Variants in LCA5L observed in about 807,000 individuals in gnomAD.
The protein encoded by LCA5L is lebercilin LCA5 like.
LCA5L carries 35 observed loss-of-function variants against 45.4 expected under a neutral mutation model. That is an observed-to-expected ratio of 0.77 (90% CI 0.59 to 1.02). The LOEUF (loss-of-function observed/expected upper bound fraction) is 1.02, where lower values mean the gene tolerates loss of function less well. Among genes scored for constraint, LCA5L ranks in the 50% least tolerant of loss-of-function variants. The probability of loss-of-function intolerance (pLI) is 0.00; values close to 1 mark genes in which losing one functional copy is unlikely to be tolerated. For missense variants in LCA5L, 668 were observed against 761.6 expected (o/e 0.88, Z 1.45); for synonymous variants, 233 against 264.7 (o/e 0.88, Z 1.16).
chr21:39,438,225 T>A (rs1322966970), intron 2 of LCA5L, among the ~76,000 whole-genome samples: 2 of 152,206 alleles, frequency 1.3e-5, no homozygotes, highest in Non-Finnish European at 2.9e-5. Context: ...GGTAACCTAG[T>A]CTAAGATAAA....
intron 7 of LCA5L, among the ~76,000 whole-genome samples, chr21:39,412,385 A>C (rs1207798924): frequency 6.6e-6 from 1 of 152,224 alleles, no homozygotes; most frequent in East Asian, 1.9e-4. Context: ...GAGTCTTGGC[A>C]AAACAGACAT....
At chr21:39,423,599 T>C (rs552141000) in intron 5 of LCA5L, 109 bp from the exon 6 acceptor site, 413 of 891,600 alleles carry the variant, frequency 4.6e-4, no homozygotes, top group Admixed American at 1.4e-3. Flanking sequence ...ACCACACACA[T>C]ACACACAAGC....
chr21:39,408,516 C>T (rs1319170818), intron 10 of LCA5L: 3 of 152,356 alleles, frequency 2.0e-5, no homozygotes, highest in South Asian at 2.1e-4. Flanking sequence ...CTCCATTAGA[C>T]CTCCAGGTCC....
At chr21:39,417,579 A>G (rs926048236) in intron 7 of LCA5L, among the ~76,000 whole-genome samples, 1 of 152,078 alleles carries the variant, frequency 6.6e-6, no homozygotes. Flanking sequence ...GCTGCTGATA[A>G]AGACATAACT....
In LCA5L at chr21:39,428,497, A is replaced by T. The variant is rs2075147682; in HGVS notation, c.-4T>A. Reference sequence around the variant, plus strand: ...TTGTTAGATCAGCCAAAGACATAGCAAACAACCTAATAAAAGAAAAGTAAA... The same window carrying T: ...TTGTTAGATCAGCCAAAGACATAGCTAACAACCTAATAAAAGAAAAGTAAA... On this transcript the variant is annotated 5_prime_UTR_variant, in exon 5 of 11. Transcript: ENST00000288350. The T allele has an allele frequency of 4.6e-6, 7 of 1,520,550 alleles. No homozygotes were observed. The highest frequency in any genetic ancestry group is 6.2e-6 in the Non-Finnish European group (7 of 1,134,488). 94.2% of individuals were successfully genotyped at this position (1,520,550 alleles called of 1,614,324 possible). A position where few individuals can be genotyped will look rare whatever the true frequency, so the allele number is the denominator to read the frequency against.
Position 39,406,260 on chromosome 21 carries a change from A to T in LCA5L, c.1635T>A (p.Asn545Lys). ...TATGACTGTACCTCATGTTGCCGGC[A>T]TTGGCTGGCCCCCCTGAAGCAGGAA... ...HGLPASGGPA[N>K]AGNMRYSHST... Residue 545 changes from asparagine (N) to lysine (K), a missense_variant, in exon 11 of 11, where the codon AAT (asparagine) becomes AAA (lysine). Physicochemically the swap from Asn to Lys is moderately conservative, Grantham distance 94. Coordinates refer to ENST00000288350, the MANE Select transcript of LCA5L (RefSeq NM_152505.4). 1 of 1,614,186 alleles carries T rather than the reference A, an allele frequency of 6.2e-7. No individual in the cohort carries two copies. The highest frequency in any genetic ancestry group is 8.5e-7 in the Non-Finnish European group (1 of 1,180,040).
chr21:39,407,086 G>A (rs964616825), intron 10 of LCA5L, among the ~76,000 whole-genome samples: 3 of 152,162 alleles, frequency 2.0e-5, no homozygotes, highest in Non-Finnish European at 4.4e-5. Flanking sequence ...AATTAGCTGG[G>A]TGTGGTGGTG....
rs2077173754 is a variant in LCA5L, at chr21:39,444,167, T to C, written c.-278A>G. 6.6e-6 allele frequency: 1 copy of C among 152,200 alleles called. No homozygotes were observed. The allele number at this position is 152,200 out of a possible 1,614,324, so 9.4% of individuals were successfully genotyped here. ...AATGATCAGCATACGGATGATCATT[T>C]GTCTGCATCTCAGTTTGCCTCTTTT... On this transcript the variant is annotated 5_prime_UTR_variant, in exon 2 of 11. Transcript: ENST00000288350.
rs544072741 is a variant in LCA5L, at chr21:39,417,988, C to G, written c.975+2718G>C. The stretch of plus-strand genomic sequence containing the variant: ...TCGCCGTGTTTGCCAGGATTGTCTC[C>G]ATCTCCTGACCTCGTGATCCACCCA... On this transcript the variant is annotated intron_variant, in intron 7 of 10. Transcript: ENST00000288350. Among the ~76,000 whole-genome samples, 10 of 152,146 alleles carry G rather than the reference C, an allele frequency of 6.6e-5. No individual in the cohort carries two copies. In the South Asian group the frequency reaches 1.7e-3, roughly 25 times the overall value.
chr21:39,425,875 G>A (rs981103176), intron 5 of LCA5L: 1 of 152,270 alleles, frequency 6.6e-6, no homozygotes, highest in Non-Finnish European at 1.5e-5. Flanking sequence ...CTCAAGTGAT[G>A]GGAGGGCAGA....
intron 7 of LCA5L, chr21:39,414,070 A>T (rs1234237695): frequency 6.6e-6 from 1 of 152,244 alleles, no homozygotes; most frequent in African/African-American, 2.4e-5. Flanking sequence ...AACCCGGGAT[A>T]CTTGTGTGGT....
chr21:39,427,647 A>C (rs2074991083), intron 5 of LCA5L: 1 of 150,516 alleles, frequency 6.6e-6, no homozygotes, highest in Non-Finnish European at 1.5e-5. Flanking sequence ...GGGTAACCAG[A>C]GCAAGACTCT....
chr21:39,424,608 A>G (rs538747319), intron 5 of LCA5L, among the ~76,000 whole-genome samples: 2 of 152,356 alleles, frequency 1.3e-5, no homozygotes, highest in Admixed American at 6.5e-5. Context: ...GTTATGGGTA[A>G]TTAGAGTATA....
intron 5 of LCA5L, among the ~76,000 whole-genome samples, chr21:39,423,951 T>TTA (rs775328033): frequency 1.1e-4 from 16 of 152,188 alleles, no homozygotes; most frequent in Non-Finnish European, 2.4e-4. Flanking sequence ...GGACAAGAGT[T>TTA]TGAGACCAGC....
intron 2 of LCA5L, among the ~76,000 whole-genome samples, chr21:39,438,473 TA>T (rs1177882303): frequency 6.6e-6 from 1 of 152,120 alleles, no homozygotes; most frequent in Non-Finnish European, 1.5e-5. Flanking sequence ...AACTTCCTTA[TA>T]ATTAAAAAAA....
chr21:39,420,575 C>T, intron 7 of LCA5L, 131 bp downstream of exon 7: 1 of 606,516 alleles, frequency 1.6e-6, no homozygotes, highest in Non-Finnish European at 2.6e-6. Flanking sequence ...GCCCAGGCCC[C>T]CTACAAAGGG....
At chr21:39,424,643 TTA>T (rs1371352285) in intron 5 of LCA5L, among the ~76,000 whole-genome samples, 2 of 152,214 alleles carry the variant, frequency 1.3e-5, no homozygotes, top group Non-Finnish European at 2.9e-5. Flanking sequence ...TGTAAAGAAC[TTA>T]TATATTCAAA....
At chr21:39,431,932 C>G (rs2075775996) in intron 3 of LCA5L, among the ~76,000 whole-genome samples, 1 of 152,130 alleles carries the variant, frequency 6.6e-6, no homozygotes, top group African/African-American at 2.4e-5. Flanking sequence ...TAATCTGTCT[C>G]ATGTAAAAAA....
chr21:39,443,224 T>C (rs2077048967), intron 2 of LCA5L, among the ~76,000 whole-genome samples: 1 of 152,202 alleles, frequency 6.6e-6, no homozygotes, highest in South Asian at 2.1e-4. Context: ...AAAGTTTGCC[T>C]GTCGAAAGGG....
Sources: allele counts gnomAD v4.1 joint callset (sites outside exome capture counted in the v4.1 genomes callset), GRCh38; gene constraint gnomAD v4.1.1; transcripts MANE v1.5; gene names NCBI Gene and HGNC (gene_info 2026-07-23, HGNC 2026-07-21).